The following CNGB1 variants were observed in gnomAD, a reference collection of about 807,000 sequenced individuals.
CNGB1 encodes the protein cyclic nucleotide-gated channel beta-1.
In CNGB1, 126 loss-of-function variants were observed where a neutral mutation model predicts 151.7. The observed-to-expected ratio is 0.83, with a 90% CI of 0.72 to 0.96. CNGB1 has a LOEUF of 0.96. Among genes scored for constraint, CNGB1 ranks in the 40% least tolerant of loss-of-function variants. CNGB1 has a pLI of 0.00. For missense variants in CNGB1, 1,698 were observed against 1,627.0 expected (o/e 1.04, Z -0.75); for synonymous variants, 623 against 635.1 (o/e 0.98, Z 0.29).
chr16:57,904,830 G>A lies in CNGB1; in HGVS notation c.2538C>T (p.Ile846=), dbSNP rs777592241. 76 of 1,614,068 alleles carry A rather than the reference G, an allele frequency of 4.7e-5. No homozygotes were observed. The highest frequency in any genetic ancestry group is 5.8e-5 in the Non-Finnish European group (68 of 1,180,044). The stretch of plus-strand genomic sequence containing the variant: ...GTGTCTTGGGGTCAGGCAGCCCCCC[G>A]ATGGTGATGAGGGTCTTCACAGCAA... ...YYFAVKTLIT[I]GGLPDPKTLF... is the part of the protein sequence containing the mutation. The change falls in exon 26 of 33, where the codon ATC becomes ATT. Residue 846 remains isoleucine, a synonymous_variant. Coordinates refer to ENST00000251102, the MANE Select transcript of CNGB1 (RefSeq NM_001297.5).
chr16:57,941,189 C>G (rs1203140058), intron 14 of CNGB1, among the ~76,000 whole-genome samples: 1 of 152,114 alleles, frequency 6.6e-6, no homozygotes, highest in Non-Finnish European at 1.5e-5. Flanking sequence ...CGTGTGCGAC[C>G]TCTGGGTTAA....
At position 57,903,977 on chromosome 16, in the gene CNGB1, C is replaced by T. The variant is rs1385228368; in HGVS notation, c.2639G>A (p.Arg880Lys). The T allele has an allele frequency of 6.2e-7, 1 of 1,613,670 alleles. No individual in the cohort carries two copies. Among genetic ancestry groups the T allele is most frequent in the East Asian group, 2.2e-5 (1 of 44,862 alleles). ...GGCGGTGGCGGCCCCTACCACATCT[C>T]TCATCTGGGGGAAGGGTTATGGGAG... ...FAFSVMIGQMRDVVGAATAGQ... is the reference protein window; with the variant it reads ...FAFSVMIGQMKDVVGAATAGQ... The change falls in exon 27 of 33, where the codon AGA becomes AAA. Residue 880 changes from arginine to lysine, a missense_variant. Transcript: ENST00000251102.
In CNGB1 at chr16:57,897,119, G is replaced by A. The variant is rs541214212; in HGVS notation, c.3242+278C>T. ...GTTTGATACCAGCCTAGGCAACATA[G>A]TGAGACCCCAGCTCTAGAAAAAAAT... is the stretch of plus-strand genomic sequence containing the variant. On this transcript the variant is annotated intron_variant, in intron 31 of 32. Coordinates refer to ENST00000251102, the MANE Select transcript of CNGB1 (RefSeq NM_001297.5). 3.1e-4 allele frequency among the ~76,000 whole-genome samples: 47 copies of A among 152,176 alleles called. 1 individual carries two copies. The highest frequency in any genetic ancestry group is 6.6e-4 in the Non-Finnish European group (45 of 68,008).
At chr16:57,899,375 C>T (rs893479839) in intron 29 of CNGB1, among the ~76,000 whole-genome samples, 1 of 152,282 alleles carries the variant, frequency 6.6e-6, no homozygotes, top group Admixed American at 6.5e-5. Context: ...TGCAGTGGCT[C>T]ATGCCTGTAA....
intron 31 of CNGB1, among the ~76,000 whole-genome samples, chr16:57,893,232 G>A (rs1960141209): frequency 6.6e-6 from 1 of 152,146 alleles, no homozygotes; most frequent in African/African-American, 2.4e-5. Flanking sequence ...AAATTATAGG[G>A]TGAATTTGAT....
chr16:57,932,400 C>CTTT (rs36048770), intron 16 of CNGB1, among the ~76,000 whole-genome samples: 23 of 124,464 alleles, frequency 1.8e-4, no homozygotes, highest in African/African-American at 2.8e-4. Flanking sequence ...CTTAAAGATT[C>CTTT]TTTTTTTTTT....
In CNGB1 at chr16:57,904,759, A is replaced by G; in HGVS notation, c.2609T>C (p.Phe870Ser). ...FQLLNYFTGVFAFSVMIGQMR... is the reference protein window; with the variant it reads ...FQLLNYFTGVSAFSVMIGQMR... ...CTGTCCGATCATCACAGAGAAAGCAAAGACGCCCGTGAAATAATTCAGCAG... is the reference window on the plus strand; with the variant it reads ...CTGTCCGATCATCACAGAGAAAGCAGAGACGCCCGTGAAATAATTCAGCAG... The change falls in exon 26 of 33, where the codon TTT (phenylalanine) becomes TCT (serine). Residue 870 changes from phenylalanine to serine, a missense_variant. Coordinates refer to ENST00000251102, the MANE Select transcript of CNGB1 (RefSeq NM_001297.5). The G allele has an allele frequency of 6.2e-7, 1 of 1,614,158 alleles. No homozygotes were observed. The highest frequency in any genetic ancestry group is 8.5e-7 in the Non-Finnish European group (1 of 1,180,036).
intron 17 of CNGB1, among the ~76,000 whole-genome samples, chr16:57,927,083 C>T (rs1385775228): frequency 1.3e-5 from 2 of 152,238 alleles, no homozygotes; most frequent in Admixed American, 1.3e-4. Context: ...TCTGGTCCCC[C>T]AGCACTGCCT....
At chr16:57,940,376 G>A in intron 14 of CNGB1, 55 bp from the exon 15 acceptor site, 1 of 1,526,900 alleles carries the variant, frequency 6.5e-7, no homozygotes, top group Non-Finnish European at 8.9e-7. Flanking sequence ...GGTGTTAAAG[G>A]TTTCCCCAGC....
chr16:57,960,246 G>T (rs184770618), intron 9 of CNGB1, among the ~76,000 whole-genome samples, 181 bp from the exon 10 acceptor site: 31 of 152,314 alleles, frequency 2.0e-4, no homozygotes, highest in South Asian at 4.1e-4. Context: ...GACCCAGGGA[G>T]GGGAAGAGAC....
At chr16:57,957,267 C>T (rs1962112910) in intron 12 of CNGB1, 74 bp downstream of exon 12, 14 of 1,443,566 alleles carry the variant, frequency 9.7e-6, no homozygotes, top group South Asian at 9.1e-5. Context: ...CCCCTGCCCA[C>T]ATACAGTCAG....
At chr16:57,890,059 G>A (rs1457975698) in intron 31 of CNGB1, among the ~76,000 whole-genome samples, 7 of 152,142 alleles carry the variant, frequency 4.6e-5, no homozygotes, top group African/African-American at 1.7e-4. Context: ...GAGAGCCCTA[G>A]CTTTTTACCG....
intron 21 of CNGB1, 135 bp from the exon 22 acceptor site, chr16:57,916,314 G>A: frequency 2.3e-6 from 2 of 882,782 alleles, no homozygotes; most frequent in Non-Finnish European, 3.8e-6. Context: ...GAGCCTTGGT[G>A]AAAGCCTTGA....
chr16:57,929,494 T>TTTC (rs1197444944), intron 17 of CNGB1, among the ~76,000 whole-genome samples: 1 of 84,426 alleles, frequency 1.2e-5, no homozygotes, highest in Admixed American at 9.8e-5. Context: ...AGAGAGACTT[T>TTTC]TTCTTTTTAA....
intron 2 of CNGB1, among the ~76,000 whole-genome samples, chr16:57,965,946 AC>A (rs1962388514): frequency 6.6e-6 from 1 of 152,238 alleles, no homozygotes; most frequent in African/African-American, 2.4e-5. Context: ...ATGTACATAT[AC>A]GTGTATATAC....
chr16:57,939,951 G>A (rs1287394813), intron 15 of CNGB1, among the ~76,000 whole-genome samples: 1 of 152,202 alleles, frequency 6.6e-6, no homozygotes, highest in East Asian at 1.9e-4. Context: ...GCCCCCTCGT[G>A]CACAGGTGGC....
At chr16:57,921,880 C>T (rs1410825869) in intron 18 of CNGB1, among the ~76,000 whole-genome samples, 2 of 152,200 alleles carry the variant, frequency 1.3e-5, no homozygotes, top group South Asian at 2.1e-4. Context: ...GTATATGATA[C>T]AGTTCCTTAA....
intron 23 of CNGB1, 85 bp from the exon 24 acceptor site, chr16:57,913,079 C>A (rs780049193): frequency 7.9e-7 from 1 of 1,273,544 alleles, no homozygotes; most frequent in Non-Finnish European, 1.1e-6. Context: ...AGACTCAGGG[C>A]TCTTCCTGCA....
chr16:57,929,474 A>G (rs1370578208), intron 17 of CNGB1, among the ~76,000 whole-genome samples: 1 of 125,064 alleles, frequency 8.0e-6, no homozygotes, highest in Non-Finnish European at 1.7e-5. Context: ...AAAGAGAGAG[A>G]GGGAGAGAGA....
Sources: gnomAD v4.1 joint callset for allele counts (sites outside exome capture counted in the v4.1 genomes callset) on GRCh38, gnomAD v4.1.1 for gene constraint, MANE v1.5 for transcripts, NCBI Gene and HGNC (gene_info 2026-07-23, HGNC 2026-07-21) for gene names.